Variants in MPDZ observed in about 807,000 individuals in gnomAD.
MPDZ encodes the protein multiple PDZ domain protein.
A neutral mutation model predicts 239.1 loss-of-function variants in MPDZ; 234 were observed. The ratio of observed to expected loss-of-function variants is 0.98; its 90% CI spans 0.88 to 1.09. MPDZ has a LOEUF of 1.09. Among genes scored for constraint, MPDZ ranks in the 50% least tolerant of loss-of-function variants. The pLI, the probability that MPDZ is intolerant of heterozygous loss-of-function variation, is 0.00. For missense variants in MPDZ, 3,175 were observed against 2,510.0 expected (o/e 1.26, Z -5.66); for synonymous variants, 1,048 against 881.3 (o/e 1.19, Z -3.35).
chr9:13,147,413 A>C, intron 26 of MPDZ, 135 bp downstream of exon 26: 1 of 628,444 alleles, frequency 1.6e-6, no homozygotes, highest in Non-Finnish European at 2.8e-6. Flanking sequence ...AGAAAGCAAA[A>C]CAAACTTCTA....
chr9:13,113,144 T>A, intron 41 of MPDZ, 90 bp from the exon 42 acceptor site: 2 of 1,204,176 alleles, frequency 1.7e-6, no homozygotes, highest in Non-Finnish European at 2.3e-6. Context: ...TGGGACTAAA[T>A]GATAACCTAG....
chr9:13,207,557 GAAA>G (rs1305550845), intron 10 of MPDZ, among the ~76,000 whole-genome samples: 1 of 152,128 alleles, frequency 6.6e-6, no homozygotes, highest in Non-Finnish European at 1.5e-5. Context: ...AGCTTACTTA[GAAA>G]ATACATATAA....
intron 10 of MPDZ, among the ~76,000 whole-genome samples, chr9:13,215,945 GTTTT>G (rs71331531): frequency 1.3e-4 from 11 of 82,624 alleles, no homozygotes; most frequent in East Asian, 7.3e-4. Flanking sequence ...TCAGCAATTT[GTTTT>G]TTTTTTTTTT....
intron 45 of MPDZ, among the ~76,000 whole-genome samples, chr9:13,109,533 T>C (rs2131026000): frequency 6.6e-6 from 1 of 152,362 alleles, no homozygotes; most frequent in East Asian, 1.9e-4. Flanking sequence ...CCAATGCTTT[T>C]GTATCCAAGT....
intron 3 of MPDZ, among the ~76,000 whole-genome samples, chr9:13,230,939 A>T (rs980421398): frequency 6.6e-6 from 1 of 152,168 alleles, no homozygotes; most frequent in African/African-American, 2.4e-5. Context: ...CAATGAGCTA[A>T]GCATCCGAAT....
At chr9:13,225,308 T>C (rs1960202154) in intron 3 of MPDZ, among the ~76,000 whole-genome samples, 1 of 152,122 alleles carries the variant, frequency 6.6e-6, no homozygotes, top group African/African-American at 2.4e-5. Flanking sequence ...ACAGTATTTA[T>C]AACTTATGTA....
intron 10 of MPDZ, among the ~76,000 whole-genome samples, chr9:13,214,949 A>G (rs1450625866): frequency 6.6e-6 from 1 of 151,970 alleles, no homozygotes; most frequent in Non-Finnish European, 1.5e-5. Context: ...AGGGAGAGAT[A>G]AAGGACTCCT....
intron 1 of MPDZ, among the ~76,000 whole-genome samples, chr9:13,250,790 G>A (rs1394933710): frequency 6.6e-6 from 1 of 152,042 alleles, no homozygotes; most frequent in Admixed American, 6.6e-5. Context: ...TGCCCTCAAA[G>A]GCTCACACTC....
chr9:13,269,944 G>A (rs548969387), intron 1 of MPDZ, among the ~76,000 whole-genome samples: 2 of 152,220 alleles, frequency 1.3e-5, no homozygotes, highest in Middle Eastern at 3.4e-3. Flanking sequence ...GCAGCAATTC[G>A]ATCTCCTAAT....
At chr9:13,136,347 T>TTTTTTTTTTTTTTTTTTTTTC in intron 30 of MPDZ, among the ~76,000 whole-genome samples, 165 bp from the exon 31 acceptor site, 1 of 142,916 alleles carries the variant, frequency 7.0e-6, no homozygotes, top group African/African-American at 2.6e-5. Context: ...TTTTTTTTTT[T>TTTTTTTTTTTTTTTTTTTTTC]TTGAGACAGA....
At chr9:13,227,064 T>C (rs2382394) in intron 3 of MPDZ, among the ~76,000 whole-genome samples, 124,198 of 152,026 alleles carry the variant, frequency 0.82, 51,304 homozygotes, top group East Asian at 0.99. Flanking sequence ...ACATTTGAGA[T>C]ATCATTTAAA....
chr9:13,190,463 T>A (rs2134962382), intron 15 of MPDZ, among the ~76,000 whole-genome samples, 164 bp from the exon 16 acceptor site: 1 of 152,268 alleles, frequency 6.6e-6, no homozygotes, highest in South Asian at 2.1e-4. Flanking sequence ...AGGTAGTAAT[T>A]ACTGAAAGTT....
In MPDZ at chr9:13,112,043, G is replaced by A. The variant is rs1942575053; in HGVS notation, c.5705C>T (p.Ala1902Val). ...IAMMHPTGVA[A>V]QTQKLRVGDR... ...ACTCACTCTGAGTTTTTGGGTCTGT[G>A]CTGCAACTCCAGTTGGGTGCATCAT... The change falls in exon 43 of 47, where the codon GCA becomes GTA. Residue 1902 changes from alanine (A) to valine (V), a missense_variant. Ala to Val is a moderately conservative substitution (Grantham distance 64). Transcript: ENST00000319217. 2 of 1,613,454 alleles carry A rather than the reference G, an allele frequency of 1.2e-6. No individual in the cohort carries two copies. Among genetic ancestry groups the A allele is most frequent in the South Asian group, 2.2e-5 (2 of 91,062 alleles).
At chr9:13,270,845 A>G (rs1972793540) in intron 1 of MPDZ, among the ~76,000 whole-genome samples, 1 of 152,152 alleles carries the variant, frequency 6.6e-6, no homozygotes, top group South Asian at 2.1e-4. Context: ...CAATTATTTG[A>G]ATAATTTCAG....
chr9:13,238,612 T>C (rs1256350522), intron 3 of MPDZ, among the ~76,000 whole-genome samples: 1 of 152,262 alleles, frequency 6.6e-6, no homozygotes, highest in East Asian at 1.9e-4. Flanking sequence ...ACCTTGTGTA[T>C]TTACCCCAGA....
intron 3 of MPDZ, among the ~76,000 whole-genome samples, chr9:13,243,512 T>C (rs1320206327): frequency 6.6e-6 from 1 of 152,160 alleles, no homozygotes; most frequent in African/African-American, 2.4e-5. Flanking sequence ...TTAACAAGTC[T>C]TGCCATTAGA....
intron 30 of MPDZ, 90 bp downstream of exon 30, chr9:13,136,622 G>T (rs777661622): frequency 7.7e-6 from 7 of 904,694 alleles, no homozygotes; most frequent in Non-Finnish European, 1.2e-5. Context: ...CAGCATGCCC[G>T]GCTACAAATG....
chr9:13,198,737 CTGTGTGTGTGTGTG>C (rs1554691393), intron 12 of MPDZ, among the ~76,000 whole-genome samples: 2 of 69,754 alleles, frequency 2.9e-5, no homozygotes, highest in South Asian at 4.8e-4. Context: ...ATCTCTCTCT[CTGTGTGTGTGTGTG>C]TGTGTGTGTG....
chr9:13,261,587 T>C (rs747268530), intron 1 of MPDZ, among the ~76,000 whole-genome samples: 1 of 152,076 alleles, frequency 6.6e-6, no homozygotes, highest in Non-Finnish European at 1.5e-5. Context: ...TAATTAATAA[T>C]CCTACAGGAG....
Sources: allele counts gnomAD v4.1 joint callset (sites outside exome capture counted in the v4.1 genomes callset), GRCh38; gene constraint gnomAD v4.1.1; transcripts MANE v1.5; gene names NCBI Gene and HGNC (gene_info 2026-07-23, HGNC 2026-07-21).